SND1: variants seen among roughly 807,000 people sequenced by gnomAD.
SND1 encodes the protein staphylococcal nuclease domain-containing protein 1.
Under a neutral mutation model 121.7 loss-of-function variants are expected in SND1, and 38 were observed. The ratio of observed to expected loss-of-function variants is 0.31; its 90% CI spans 0.24 to 0.41. The LOEUF (loss-of-function observed/expected upper bound fraction) is 0.41. Among genes scored for constraint, SND1 ranks in the 10% least tolerant of loss-of-function variants. SND1 has a pLI of 1.00. For synonymous variants in SND1, 401 were observed against 447.4 expected, an observed-to-expected ratio of 0.90 and a Z score of 1.31; for missense variants, 868 against 1,184.6, an observed-to-expected ratio of 0.73 and a Z score of 3.92.
Position 127,958,941 on chromosome 7 carries a change from G to A in SND1, c.1669+29612G>A, listed in dbSNP as rs529070531. Among the ~76,000 whole-genome samples the A allele has an allele frequency of 5.9e-5, 9 of 152,248 alleles. No individual in the cohort carries two copies. In the South Asian group the frequency reaches 6.2e-4, roughly 11 times the overall value. Reference sequence around the variant, plus strand: ...TGATGAGAGCATGCAGCATGCTGGCGGGTTCACTGATTGCTGCTCTTATTA... The same window carrying A: ...TGATGAGAGCATGCAGCATGCTGGCAGGTTCACTGATTGCTGCTCTTATTA... On this transcript the variant is annotated intron_variant, in intron 15 of 23. Coordinates refer to ENST00000354725, the MANE Select transcript of SND1 (RefSeq NM_014390.4).
intron 16 of SND1, among the ~76,000 whole-genome samples, chr7:127,991,934 A>T (rs1802533508): frequency 6.6e-6 from 1 of 152,216 alleles, no homozygotes. Flanking sequence ...GTGAGAGAAC[A>T]AGAGAACACG....
At chr7:127,827,873 A>G (rs1479535328) in intron 11 of SND1, among the ~76,000 whole-genome samples, 1 of 152,190 alleles carries the variant, frequency 6.6e-6, no homozygotes, top group South Asian at 2.1e-4. Flanking sequence ...TTTCAGATGT[A>G]ATTATACTAG....
rs183068977 is a variant in SND1 at position 128,005,472 on chromosome 7, G to A, written c.1779+14416G>A. Among the ~76,000 whole-genome samples, 9 of 152,218 alleles carry A rather than the reference G, an allele frequency of 5.9e-5. No homozygotes were observed. The South Asian group carries it at 6.2e-4, about 11-fold the overall frequency. On this transcript the variant is annotated intron_variant, in intron 16 of 23. Transcript: ENST00000354725. ...GTGTTTCTGTAATTTGTACAGTATC[G>A]TTGAAAGGTGTTGAAGAGATCAATA... is the stretch of plus-strand genomic sequence containing the variant.
At chr7:127,911,968 T>TCC (rs1054249638) in intron 14 of SND1, among the ~76,000 whole-genome samples, 1 of 152,004 alleles carries the variant, frequency 6.6e-6, no homozygotes, top group Non-Finnish European at 1.5e-5. Context: ...CATGGTTTGT[T>TCC]TCTCTCTCTC....
At chr7:127,732,745 TAGA>T (rs919176546) in intron 10 of SND1, among the ~76,000 whole-genome samples, 24 of 152,382 alleles carry the variant, frequency 1.6e-4, no homozygotes, top group African/African-American at 4.1e-4. Context: ...CTTCTGCTCC[TAGA>T]AGAAGTTAAG....
chr7:127,652,393 G>A lies in SND1; in HGVS notation c.20G>A (p.Ser7Asn), dbSNP rs940214396. 2 of 1,598,998 alleles carry A rather than the reference G, an allele frequency of 1.3e-6. No homozygotes were observed. The highest frequency in any genetic ancestry group is 1.1e-5 in the South Asian group (1 of 88,416). ...CCACACATGGCGTCCTCCGCGCAGA[G>A]CGGCGGCTCCTCCGGGGGACCCGCG... is the stretch of plus-strand genomic sequence containing the variant. Reference protein sequence around the residue: MASSAQSGGSSGGPAVP... With the variant: MASSAQNGGSSGGPAVP... The change falls in exon 1 of 24, where the codon AGC becomes AAC. Residue 7 changes from serine (S) to asparagine (N), a missense_variant. Physicochemically the swap from Ser to Asn is conservative, Grantham distance 46 (BLOSUM62 1). Coordinates refer to ENST00000354725, the MANE Select transcript of SND1 (RefSeq NM_014390.4).
intron 17 of SND1, among the ~76,000 whole-genome samples, chr7:128,081,074 G>A (rs954673097): frequency 7.9e-5 from 12 of 151,666 alleles, no homozygotes; most frequent in Admixed American, 5.3e-4. Context: ...TTGGCTCACC[G>A]CAACCCGTGC....
At chr7:128,021,094 T>G (rs1803339948) in intron 16 of SND1, among the ~76,000 whole-genome samples, 2 of 152,174 alleles carry the variant, frequency 1.3e-5, no homozygotes, top group Admixed American at 6.5e-5. Context: ...CCCTGCCTAA[T>G]CTTAAAGAGA....
In SND1 at chr7:127,868,960, TAGAG is replaced by T. The variant is rs149404272; in HGVS notation, c.1344-18938_1344-18935del. On this transcript the variant is annotated intron_variant, in intron 12 of 23. Coordinates refer to ENST00000354725, the MANE Select transcript of SND1 (RefSeq NM_014390.4). ...ACTGGGGATAGATCAGTGCATATGA[TAGAG>T]AGATCTATTTTGTGCGGCACTTTCG... 4.1e-4 allele frequency among the ~76,000 whole-genome samples: 62 copies of T among 152,270 alleles called. No individual in the cohort carries two copies. The East Asian group carries it at 8.3e-3, about 20-fold the overall frequency.
At chr7:128,039,893 C>T (rs920777403) in intron 16 of SND1, among the ~76,000 whole-genome samples, 3 of 152,150 alleles carry the variant, frequency 2.0e-5, no homozygotes, top group African/African-American at 7.2e-5. Context: ...CCCATTACCT[C>T]GCTTTATGGA....
At chr7:127,664,682 T>C (rs1795381983) in intron 1 of SND1, among the ~76,000 whole-genome samples, 2 of 152,328 alleles carry the variant, frequency 1.3e-5, no homozygotes, top group African/African-American at 2.4e-5. Flanking sequence ...ACCTGATTTA[T>C]AGCTGGTCAG....
At chr7:127,801,850 CTT>C (rs576392185) in intron 10 of SND1, among the ~76,000 whole-genome samples, 4 of 151,220 alleles carry the variant, frequency 2.6e-5, no homozygotes, top group South Asian at 2.1e-4. Context: ...GTATAGAACT[CTT>C]TTTTTTTGAG....
intron 15 of SND1, among the ~76,000 whole-genome samples, chr7:127,971,341 G>T (rs1801982252): frequency 6.6e-6 from 1 of 152,202 alleles, no homozygotes; most frequent in Non-Finnish European, 1.5e-5. Flanking sequence ...TCGTTATTCA[G>T]AAGGATAAAT....
At chr7:128,078,323 A>C (rs1342858880) in intron 17 of SND1, among the ~76,000 whole-genome samples, 2 of 152,226 alleles carry the variant, frequency 1.3e-5, no homozygotes, top group Non-Finnish European at 2.9e-5. Flanking sequence ...GCACTGCCTG[A>C]AGGGCCAAAG....
rs530299854 is a variant in SND1, at chr7:128,030,920, G to A, written c.1779+39864G>A. The A allele has an allele frequency of 6.0e-4, 204 of 342,448 alleles. 1 individual carries two copies. Among genetic ancestry groups the A allele is most frequent in the Admixed American group, 3.2e-3 (72 of 22,658 alleles). The allele number at this position is 342,448 out of a possible 1,614,324, so 21.2% of individuals were successfully genotyped here. A position where few individuals can be genotyped will look rare whatever the true frequency, so the allele number is the denominator to read the frequency against. ...CAGTTCGCCGTCACCTACCTCGGAA[G>A]GAAGGCAGGAAAGCACTGGCGTGGT... is the stretch of plus-strand genomic sequence containing the variant. On this transcript the variant is annotated intron_variant, in intron 16 of 23. Coordinates refer to ENST00000354725, the MANE Select transcript of SND1 (RefSeq NM_014390.4).
At chr7:127,751,010 T>C (rs1221294092) in intron 10 of SND1, among the ~76,000 whole-genome samples, 2 of 152,186 alleles carry the variant, frequency 1.3e-5, no homozygotes, top group Admixed American at 6.5e-5. Context: ...GTTTTGGTGG[T>C]AGAATTTTTT....
intron 10 of SND1, among the ~76,000 whole-genome samples, chr7:127,723,147 G>A (rs1796525722): frequency 6.6e-6 from 1 of 152,250 alleles, no homozygotes; most frequent in East Asian, 1.9e-4. Context: ...AGGGGGATGG[G>A]GGTGTTATAG....
At chr7:127,847,423 T>G (rs1441829031) in intron 12 of SND1, among the ~76,000 whole-genome samples, 1 of 152,232 alleles carries the variant, frequency 6.6e-6, no homozygotes, top group Non-Finnish European at 1.5e-5. Context: ...TTATAAACAC[T>G]AGCCAGAGAA....
chr7:127,978,337 G>A (rs1031589604), intron 15 of SND1, among the ~76,000 whole-genome samples: 2 of 152,158 alleles, frequency 1.3e-5, no homozygotes, highest in Admixed American at 6.5e-5. Flanking sequence ...TAAAGTCTAA[G>A]GACAACATCT....
Sources: allele counts gnomAD v4.1 joint callset (sites outside exome capture counted in the v4.1 genomes callset), GRCh38; gene constraint gnomAD v4.1.1; transcripts MANE v1.5; gene names NCBI Gene and HGNC (gene_info 2026-07-23, HGNC 2026-07-21).